Variants in KIZ observed in about 807,000 individuals in gnomAD.
The protein encoded by KIZ is centrosomal protein kizuna.
KIZ carries 68 observed loss-of-function variants against 79.6 expected under a neutral mutation model. The observed-to-expected ratio is 0.85, with a 90% CI of 0.70 to 1.05. The LOEUF is 1.05. Ranked by LOEUF, KIZ falls within the 50% of genes least tolerant of loss-of-function variation. The probability of loss-of-function intolerance (pLI) is 0.00; values close to 1 mark genes in which losing one functional copy is unlikely to be tolerated. For missense variants in KIZ, 797 were observed against 800.4 expected (o/e 1.00, Z 0.05); for synonymous variants, 280 against 281.8 (o/e 0.99, Z 0.06).
intron 11 of KIZ, among the ~76,000 whole-genome samples, chr20:21,237,624 T>C (rs956601298): frequency 6.6e-6 from 1 of 152,154 alleles, no homozygotes; most frequent in African/African-American, 2.4e-5. Context: ...CTGGATTTTA[T>C]TGGAATGCTC....
At chr20:21,224,114 CT>C (rs1368483745) in intron 9 of KIZ, among the ~76,000 whole-genome samples, 2 of 152,188 alleles carry the variant, frequency 1.3e-5, no homozygotes, top group African/African-American at 4.8e-5. Flanking sequence ...CTGCCTCAAC[CT>C]CCCGTGTAGC....
intron 6 of KIZ, among the ~76,000 whole-genome samples, chr20:21,178,830 CAT>C (rs1212121048): frequency 6.6e-6 from 1 of 152,040 alleles, no homozygotes; most frequent in Non-Finnish European, 1.5e-5. Flanking sequence ...TTAAGATGGT[CAT>C]GTGATTTTTA....
chr20:21,233,549 A>G (rs1382422820), intron 11 of KIZ, among the ~76,000 whole-genome samples: 1 of 152,262 alleles, frequency 6.6e-6, no homozygotes. Context: ...AAAATGGCAT[A>G]GCAACTTTCC....
At chr20:21,201,767 T>G (rs16982578) in intron 6 of KIZ, among the ~76,000 whole-genome samples, 2,222 of 152,322 alleles carry the variant, frequency 0.015, 49 homozygotes, top group African/African-American at 0.05. Context: ...CCAACGTAAA[T>G]TAGACAAAAC....
chr20:21,143,665 A>G (rs2032695183), intron 3 of KIZ, among the ~76,000 whole-genome samples: 1 of 152,172 alleles, frequency 6.6e-6, no homozygotes, highest in Admixed American at 6.5e-5. Context: ...AAGTTACCTG[A>G]TGGATTAACT....
intron 6 of KIZ, among the ~76,000 whole-genome samples, chr20:21,165,202 T>G (rs1410654711): frequency 6.6e-6 from 1 of 152,124 alleles, no homozygotes; most frequent in African/African-American, 2.4e-5. Context: ...GATGCATAAA[T>G]GGGACAAAGG....
intron 6 of KIZ, among the ~76,000 whole-genome samples, chr20:21,193,235 CT>C (rs2035191252): frequency 1.3e-5 from 2 of 152,172 alleles, no homozygotes; most frequent in African/African-American, 4.8e-5. Flanking sequence ...AAAATAAAAT[CT>C]GCAAATCAAG....
At chr20:21,173,719 C>T (rs1178056725) in intron 6 of KIZ, among the ~76,000 whole-genome samples, 1 of 151,860 alleles carries the variant, frequency 6.6e-6, no homozygotes, top group East Asian at 1.9e-4. Flanking sequence ...ATGTAGGAGG[C>T]ACAGACTTGA....
At chr20:21,126,003 G>T (rs2122226500), upstream of KIZ, 1 of 1,324,898 alleles carries the variant, frequency 7.5e-7, no homozygotes, top group East Asian at 3.1e-5. Context: ...CCCGCCTCCT[G>T]CAGGCGGCCC....
At chr20:21,179,114 C>T (rs2034547649) in intron 6 of KIZ, among the ~76,000 whole-genome samples, 1 of 150,860 alleles carries the variant, frequency 6.6e-6, no homozygotes, top group Admixed American at 6.6e-5. Flanking sequence ...CCCTTTTTTT[C>T]AGTTTTTTTG....
chr20:21,181,243 C>G (rs1434494031), intron 6 of KIZ, among the ~76,000 whole-genome samples: 1 of 152,186 alleles, frequency 6.6e-6, no homozygotes, highest in African/African-American at 2.4e-5. Flanking sequence ...AGTGTCTTTT[C>G]CTCACCTCTC....
chr20:21,218,805 G>A (rs2036397812), intron 9 of KIZ, among the ~76,000 whole-genome samples: 1 of 152,148 alleles, frequency 6.6e-6, no homozygotes, highest in Non-Finnish European at 1.5e-5. Context: ...CATTTTGTGG[G>A]GAGCTCCCTT....
chr20:21,215,389 A>G (rs2036244474), intron 8 of KIZ, among the ~76,000 whole-genome samples, 194 bp from the exon 9 acceptor site: 1 of 152,012 alleles, frequency 6.6e-6, no homozygotes, highest in Non-Finnish European at 1.5e-5. Flanking sequence ...CCTTAATTCA[A>G]TTTTATTTTT....
chr20:21,130,538 C>T (rs1237622556), intron 1 of KIZ, among the ~76,000 whole-genome samples: 2 of 152,130 alleles, frequency 1.3e-5, no homozygotes, highest in African/African-American at 2.4e-5. Flanking sequence ...GTTTCCTTCA[C>T]TTCTATTCTA....
chr20:21,168,115 C>T (rs1244068313), intron 6 of KIZ, among the ~76,000 whole-genome samples: 1 of 152,126 alleles, frequency 6.6e-6, no homozygotes, highest in Non-Finnish European at 1.5e-5. Context: ...GCTCCCCTTC[C>T]TGTGTCCATG....
intron 3 of KIZ, among the ~76,000 whole-genome samples, chr20:21,139,307 G>T (rs192866701): frequency 6.6e-6 from 1 of 151,912 alleles, no homozygotes; most frequent in Non-Finnish European, 1.5e-5. Context: ...TTCTCCCTCA[G>T]ATATGGAATT....
chr20:21,179,203 T>G (rs994633725), intron 6 of KIZ, among the ~76,000 whole-genome samples: 15 of 113,586 alleles, frequency 1.3e-4, no homozygotes, highest in South Asian at 3.9e-4. Flanking sequence ...GTCCTGGGGT[T>G]TTTTTGTTTT....
intron 6 of KIZ, chr20:21,166,292 C>A (rs2033934594): frequency 5.0e-6 from 8 of 1,601,886 alleles, no homozygotes; most frequent in Non-Finnish European, 5.9e-6. Context: ...GTTGTCAGTA[C>A]AATGAAACCA....
intron 4 of KIZ, among the ~76,000 whole-genome samples, chr20:21,160,622 A>T (rs1019875194): frequency 6.6e-6 from 1 of 152,146 alleles, no homozygotes; most frequent in African/African-American, 2.4e-5. Flanking sequence ...CCATCTTAAA[A>T]ATCCTAAATT....
Sources: gnomAD v4.1 joint callset for allele counts (sites outside exome capture counted in the v4.1 genomes callset) on GRCh38, gnomAD v4.1.1 for gene constraint, MANE v1.5 for transcripts, NCBI Gene and HGNC (gene_info 2026-07-23, HGNC 2026-07-21) for gene names.